The following NPIPB8 variants were observed in gnomAD, a reference collection of about 807,000 sequenced individuals.
NPIPB8 encodes nuclear pore complex-interacting protein family member B8.
Under a neutral mutation model 5.3 loss-of-function variants are expected in NPIPB8, and 3 were observed. The ratio of observed to expected loss-of-function variants is 0.57; its 90% CI spans 0.26 to 1.47. The LOEUF is 1.47. Ranked by LOEUF, NPIPB8 falls within the 40% of genes most tolerant of loss-of-function variation. NPIPB8 has a pLI of 0.13. For synonymous variants in NPIPB8, 18 were observed against 23.0 expected (o/e 0.78, Z 0.62); for missense variants, 50 against 50.2 (o/e 1.00, Z 0.01).
chr16:28,644,699 G>T, intron 2 of NPIPB8: 2 of 1,151,224 alleles, frequency 1.7e-6, no homozygotes, highest in Non-Finnish European at 2.3e-6. Context: ...TTTTTACTGG[G>T]CTGTGTCACG....
At chr16:28,640,642 G>T (rs2047880097) in intron 2 of NPIPB8, among the ~76,000 whole-genome samples, 1 of 152,110 alleles carries the variant, frequency 6.6e-6, no homozygotes, top group Non-Finnish European at 1.5e-5. Flanking sequence ...AGAGAGTGGG[G>T]AACTGATGGG....
intron 1 of NPIPB8, 45 bp from the exon 2 acceptor site, chr16:28,638,278 T>A: frequency 6.5e-7 from 1 of 1,535,828 alleles, no homozygotes; most frequent in Non-Finnish European, 8.7e-7. Context: ...CATCACCTTG[T>A]TTTTCCACTC....
At chr16:28,644,725 C>G (rs1383823728) in intron 2 of NPIPB8, 1 of 918,960 alleles carries the variant, frequency 1.1e-6, no homozygotes, top group Admixed American at 2.8e-5. Flanking sequence ...TGAAATTACA[C>G]AGCTCAGGCC....
intron 2 of NPIPB8, among the ~76,000 whole-genome samples, chr16:28,645,045 T>G (rs1483320682): frequency 8.5e-6 from 1 of 117,718 alleles, no homozygotes; most frequent in Non-Finnish European, 1.9e-5. Context: ...ATGACTTTTT[T>G]TTTTTTTTTT....
At chr16:28,638,958 A>G (rs948357942) in intron 2 of NPIPB8, among the ~76,000 whole-genome samples, 8 of 149,760 alleles carry the variant, frequency 5.3e-5, no homozygotes, top group African/African-American at 2.0e-4. Context: ...AGTCCCAGCT[A>G]CTCAGGAGGC....
chr16:28,638,169 AT>A lies in NPIPB8; in HGVS notation c.-39+23del. ...AACTGAGGTTAAAAGGGGTAAAGTA[AT>A]TTTGCATGGCATGAAGTAGAAATTC... On this transcript the variant is annotated intron_variant, in intron 1 of 7. Transcript: ENST00000683297. The A allele has an allele frequency of 3.0e-6, 2 of 676,210 alleles. No individual in the cohort carries two copies. The highest frequency in any genetic ancestry group is 4.9e-6 in the Non-Finnish European group (2 of 407,058). 41.9% of individuals were successfully genotyped at this position (676,210 alleles called of 1,614,324 possible). A position where few individuals can be genotyped will look rare whatever the true frequency, so the allele number is the denominator to read the frequency against.
chr16:28,641,924 G>C (rs2047903810), intron 2 of NPIPB8, among the ~76,000 whole-genome samples: 1 of 136,900 alleles, frequency 7.3e-6, no homozygotes, highest in African/African-American at 2.8e-5. Flanking sequence ...CATTGTTCGA[G>C]ACCCCAAACT....
upstream of NPIPB8, chr16:28,637,969 T>C (rs1277522028): frequency 2.4e-5 from 20 of 818,878 alleles, no homozygotes; most frequent in Admixed American, 9.3e-4. Context: ...TTTTCTTTTT[T>C]GTAGGTTTCA....
intron 1 of NPIPB8, 73 bp from the exon 2 acceptor site, chr16:28,638,250 G>A (rs1419515804): frequency 6.5e-7 from 1 of 1,529,906 alleles, no homozygotes; most frequent in Admixed American, 2.0e-5. Context: ...CTATGCTCTT[G>A]ACCACTATAG....
intron 2 of NPIPB8, chr16:28,644,562 C>T (rs2047964511): frequency 3.9e-6 from 6 of 1,519,478 alleles, no homozygotes; most frequent in Non-Finnish European, 5.3e-6. Context: ...GTCCTGGACA[C>T]CTCAGGGCGC....
At chr16:28,640,370 C>T (rs942014258) in intron 2 of NPIPB8, among the ~76,000 whole-genome samples, 41 of 152,250 alleles carry the variant, frequency 2.7e-4, no homozygotes, top group South Asian at 4.1e-4. Flanking sequence ...CATCCTGCCA[C>T]GAGAATAAAG....
At chr16:28,641,124 C>T (rs1305125769) in intron 2 of NPIPB8, among the ~76,000 whole-genome samples, 1 of 151,974 alleles carries the variant, frequency 6.6e-6, no homozygotes, top group Admixed American at 6.6e-5. Context: ...CATCATGGGG[C>T]CTGATTCTTC....
At chr16:28,640,321 C>T (rs951029741) in intron 2 of NPIPB8, among the ~76,000 whole-genome samples, 4 of 152,088 alleles carry the variant, frequency 2.6e-5, no homozygotes, top group African/African-American at 9.7e-5. Flanking sequence ...TGCTGCACAT[C>T]CTCCATGGCT....
intron 2 of NPIPB8, among the ~76,000 whole-genome samples, chr16:28,642,723 C>T (rs2047926184): frequency 6.6e-6 from 1 of 151,510 alleles, no homozygotes; most frequent in Admixed American, 6.6e-5. Context: ...ACCTTGTGAT[C>T]CGCCCACCTC....
At chr16:28,640,431 A>G (rs555303629) in intron 2 of NPIPB8, among the ~76,000 whole-genome samples, 10 of 152,098 alleles carry the variant, frequency 6.6e-5, no homozygotes, top group Non-Finnish European at 8.8e-5. Context: ...TGAAGGAGAG[A>G]GTGGCCAGTC....
chr16:28,644,647 C>G, intron 2 of NPIPB8: 1 of 1,467,106 alleles, frequency 6.8e-7, no homozygotes. Context: ...CAGCCATCAG[C>G]CCACCCCTGT....
Position 28,652,711 on chromosome 16 carries a change from C to A in NPIPB8, c.599+347C>A, listed in dbSNP as rs562252394. Among the ~76,000 whole-genome samples, 180 of 126,568 alleles carry A rather than the reference C, an allele frequency of 1.4e-3. 14 individuals are homozygous for A. Among genetic ancestry groups the A allele is most frequent in the Non-Finnish European group, 2.4e-3 (142 of 58,694 alleles). 83.0% of individuals were successfully genotyped at this position (126,568 alleles called of 152,430 possible). A position where few individuals can be genotyped will look rare whatever the true frequency, so the allele number is the denominator to read the frequency against. ...CTGCCTTTTGGCTTCAAGCAATTCTCCTGTCTCAGCCTCCCAAGTAGCTGG... is the reference window on the plus strand; with the variant it reads ...CTGCCTTTTGGCTTCAAGCAATTCTACTGTCTCAGCCTCCCAAGTAGCTGG... On this transcript the variant is annotated intron_variant, in intron 5 of 7. Coordinates refer to ENST00000683297, the MANE Select transcript of NPIPB8 (RefSeq NM_001310136.2).
rs1187199766 is a variant in NPIPB8, at chr16:28,641,517, C to T, written c.120+3037C>T. ...CTATCCCCAGGAGTGCCCAGACCCT[C>T]ATTCTTATCCAGGACCTAGGAGCCC... is the stretch of plus-strand genomic sequence containing the variant. On this transcript the variant is annotated intron_variant, in intron 2 of 7. Coordinates refer to ENST00000683297, the MANE Select transcript of NPIPB8 (RefSeq NM_001310136.2). Among the ~76,000 whole-genome samples, 7 of 141,782 alleles carry T rather than the reference C, an allele frequency of 4.9e-5. 1 individual carries two copies. The highest frequency in any genetic ancestry group is 1.8e-4 in the African/African-American group (7 of 39,422). 93.0% of individuals were successfully genotyped at this position (141,782 alleles called of 152,430 possible). A position where few individuals can be genotyped will look rare whatever the true frequency, so the allele number is the denominator to read the frequency against.
At position 28,638,748 on chromosome 16, in the gene NPIPB8, C is replaced by T. The variant is rs965980795; in HGVS notation, c.120+268C>T. On this transcript the variant is annotated intron_variant, in intron 2 of 7. Coordinates refer to ENST00000683297, the MANE Select transcript of NPIPB8 (RefSeq NM_001310136.2). Reference sequence around the variant, plus strand: ...GAAAAACAACCAGACAAGTGCCCAACGACACTTAAAAAGTTTATTTATTAT... The same window carrying T: ...GAAAAACAACCAGACAAGTGCCCAATGACACTTAAAAAGTTTATTTATTAT... 4.2e-4 allele frequency among the ~76,000 whole-genome samples: 63 copies of T among 150,478 alleles called. 3 individuals are homozygous for T. Among genetic ancestry groups the T allele is most frequent in the East Asian group, 1.2e-3 (6 of 5,172 alleles).
Sources: allele counts gnomAD v4.1 joint callset (sites outside exome capture counted in the v4.1 genomes callset), GRCh38; gene constraint gnomAD v4.1.1; transcripts MANE v1.5; gene names NCBI Gene and HGNC (gene_info 2026-07-23, HGNC 2026-07-21).